VSIG10: variants seen among roughly 807,000 people sequenced by gnomAD.
The protein encoded by VSIG10 is V-set and immunoglobulin domain containing 10.
Under a neutral mutation model 58.7 loss-of-function variants are expected in VSIG10, and 48 were observed. The observed-to-expected ratio is 0.82, with a 90% CI of 0.65 to 1.04. The LOEUF (loss-of-function observed/expected upper bound fraction) is 1.04, where lower values mean the gene tolerates loss of function less well. Among genes scored for constraint, VSIG10 ranks in the 50% least tolerant of loss-of-function variants. The probability of loss-of-function intolerance (pLI) is 0.00; values close to 1 mark genes in which losing one functional copy is unlikely to be tolerated. For missense variants in VSIG10, 628 were observed against 670.0 expected (o/e 0.94, Z 0.69); for synonymous variants, 260 against 267.1 (o/e 0.97, Z 0.26).
intron 1 of VSIG10, among the ~76,000 whole-genome samples, chr12:118,100,496 CA>C (rs369608710): frequency 1.2e-4 from 18 of 144,658 alleles, no homozygotes; most frequent in Admixed American, 1.4e-4. Context: ...GACTCTGTCT[CA>C]AAAAAAAAAG....
At position 118,068,393 on chromosome 12, in the gene VSIG10, T is replaced by A. The variant is rs1164477939; in HGVS notation, c.1551A>T (p.Gly517=). 1 of 1,613,286 alleles carries A rather than the reference T, an allele frequency of 6.2e-7. No individual in the cohort carries two copies. The highest frequency in any genetic ancestry group is 8.5e-7 in the Non-Finnish European group (1 of 1,179,680). The change falls in exon 8 of 9, where the codon GGA becomes GGT. Residue 517 remains glycine (G), a synonymous_variant. Transcript: ENST00000359236. ...AGAGCTTACCTTGAAGATCCTGGAA[T>A]CCATTTCCCATCTGTTCTATGTTCC... ...VNGNIEQMGN[G]FQDLQDDSSE... is the part of the protein sequence containing the mutation.
intron 1 of VSIG10, among the ~76,000 whole-genome samples, chr12:118,101,178 G>T (rs180746637): frequency 6.6e-6 from 1 of 152,300 alleles, no homozygotes; most frequent in East Asian, 1.9e-4. Context: ...AGATCATCTA[G>T]TCCAGAGATG....
chr12:118,077,842 G>A (rs993505950), intron 4 of VSIG10, among the ~76,000 whole-genome samples: 2 of 152,154 alleles, frequency 1.3e-5, no homozygotes, highest in African/African-American at 4.8e-5. Flanking sequence ...GATGATTTCA[G>A]CCCCGCAACC....
chr12:118,068,261 C>A, intron 8 of VSIG10, 116 bp downstream of exon 8: 3 of 669,186 alleles, frequency 4.5e-6, no homozygotes, highest in Non-Finnish European at 6.6e-6. Flanking sequence ...TCTTGAACTT[C>A]TGGGCTTAAG....
chr12:118,064,880 T>A lies in VSIG10; in HGVS notation c.*1759A>T, dbSNP rs2032196530. On this transcript the variant is annotated 3_prime_UTR_variant, in exon 9 of 9. Coordinates refer to ENST00000359236, the MANE Select transcript of VSIG10 (RefSeq NM_019086.6). ...CCAGCTTCTCATTTTAGAGTCCCAG[T>A]TCCTAGAATTGGAGAAAGGAAGTTC... 1 of 152,162 alleles carries A rather than the reference T, an allele frequency of 6.6e-6. No individual in the cohort carries two copies. The highest frequency in any genetic ancestry group is 1.5e-5 in the Non-Finnish European group (1 of 68,044). The allele number at this position is 152,162 out of a possible 1,614,324, so 9.4% of individuals were successfully genotyped here. A position where few individuals can be genotyped will look rare whatever the true frequency, so the allele number is the denominator to read the frequency against.
chr12:118,091,327 C>T (rs904684581), intron 2 of VSIG10, among the ~76,000 whole-genome samples: 2 of 151,910 alleles, frequency 1.3e-5, no homozygotes, highest in South Asian at 2.1e-4. Context: ...CCCATCTCTA[C>T]TAAAAATACA....
intron 1 of VSIG10, among the ~76,000 whole-genome samples, 177 bp from the exon 2 acceptor site, chr12:118,095,991 T>C (rs188848418): frequency 2.7e-5 from 4 of 147,918 alleles, no homozygotes; most frequent in African/African-American, 9.9e-5. Flanking sequence ...AATGGCACTA[T>C]CTCGCCTAAC....
chr12:118,100,855 T>G (rs1182680198), intron 1 of VSIG10, among the ~76,000 whole-genome samples: 1 of 152,160 alleles, frequency 6.6e-6, no homozygotes, highest in Non-Finnish European at 1.5e-5. Context: ...TTATTAGGAT[T>G]GGGAACCCAA....
chr12:118,080,964 G>A (rs968464706), intron 3 of VSIG10, among the ~76,000 whole-genome samples: 6 of 152,138 alleles, frequency 3.9e-5, no homozygotes, highest in Admixed American at 6.6e-5. Context: ...TGGAGGGCCA[G>A]GAATGGTGGC....
chr12:118,096,890 T>C (rs1303036965), intron 1 of VSIG10, among the ~76,000 whole-genome samples: 3 of 151,284 alleles, frequency 2.0e-5, no homozygotes, highest in Admixed American at 2.0e-4. Flanking sequence ...AATACAAAAA[T>C]TAGCCGGGCG....
intron 3 of VSIG10, 96 bp downstream of exon 3, chr12:118,082,031 A>AG: frequency 2.3e-6 from 3 of 1,327,054 alleles, no homozygotes; most frequent in East Asian, 2.6e-5. Context: ...AAAAAAAAAA[A>AG]AAAAAAAGAC....
At chr12:118,099,343 G>A (rs368947082) in intron 1 of VSIG10, among the ~76,000 whole-genome samples, 2 of 151,960 alleles carry the variant, frequency 1.3e-5, no homozygotes, top group African/African-American at 2.4e-5. Flanking sequence ...TCACTATGTT[G>A]CCCAGGCTGG....
chr12:118,082,492 C>T, intron 2 of VSIG10, 63 bp from the exon 3 acceptor site: 2 of 1,470,438 alleles, frequency 1.4e-6, no homozygotes, highest in East Asian at 2.3e-5. Flanking sequence ...ATTGCCTTAC[C>T]AACTCTAATA....
At chr12:118,087,868 A>T (rs1417593094) in intron 2 of VSIG10, among the ~76,000 whole-genome samples, 1 of 134,264 alleles carries the variant, frequency 7.4e-6, no homozygotes, top group Non-Finnish European at 1.6e-5. Context: ...AGAGAGAAGG[A>T]GGTAATGTGA....
In VSIG10 at chr12:118,103,844, CCGGCAGCGGAGCT is replaced by C. The variant is rs1330175919; in HGVS notation, c.-186_-174del. Reference sequence around the variant, plus strand: ...GCTTGGCTGAGCCGAGTGTCCAGGGCCGGCAGCGGAGCTCGGCTGCAGGCTCGGGTCCCCGCTC... The same window carrying C: ...GCTTGGCTGAGCCGAGTGTCCAGGGCCGGCTGCAGGCTCGGGTCCCCGCTC... On this transcript the variant is annotated 5_prime_UTR_variant, in exon 1 of 9. Transcript: ENST00000359236. 6.9e-6 allele frequency: 4 copies of C among 576,024 alleles called. No individual in the cohort carries two copies. The African/African-American group carries it at 7.8e-5, about 11-fold the overall frequency. The allele number at this position is 576,024 out of a possible 1,614,324, so 35.7% of individuals were successfully genotyped here.
chr12:118,091,484 T>A (rs1484198353), intron 2 of VSIG10, among the ~76,000 whole-genome samples: 1 of 147,414 alleles, frequency 6.8e-6, no homozygotes, highest in East Asian at 2.0e-4. Context: ...AGAGCAAGAC[T>A]CTGTCTCAAA....
intron 2 of VSIG10, among the ~76,000 whole-genome samples, chr12:118,086,537 T>C (rs1434465213): frequency 2.6e-5 from 4 of 152,010 alleles, no homozygotes; most frequent in African/African-American, 9.7e-5. Context: ...GGTAAACACA[T>C]GGCTGTTCCA....
intron 2 of VSIG10, among the ~76,000 whole-genome samples, chr12:118,090,972 T>A (rs998915598): frequency 1.3e-5 from 2 of 151,936 alleles, no homozygotes; most frequent in Non-Finnish European, 2.9e-5. Context: ...CCATCTCTAC[T>A]GAAAATACAA....
Position 118,082,374 on chromosome 12 carries a change from G to A in VSIG10, c.417C>T (p.Gly139=), listed in dbSNP as rs1257110083. ...GGGAGCCCCTGGCTGCGTAGAGGGTGCCGTTGGGGAGTGTGCCGGTGGCCA... is the reference window on the plus strand; with the variant it reads ...GGGAGCCCCTGGCTGCGTAGAGGGTACCGTTGGGGAGTGTGCCGGTGGCCA... The part of the protein sequence containing the change: ...HIVATGTLPN[G]TLYAARGSQV... The change falls in exon 3 of 9, where the codon GGC becomes GGT. Residue 139 remains glycine, a synonymous_variant. Coordinates refer to ENST00000359236, the MANE Select transcript of VSIG10 (RefSeq NM_019086.6). The A allele has an allele frequency of 3.7e-6, 6 of 1,613,934 alleles. No individual in the cohort carries two copies. The East Asian group carries it at 8.9e-5, about 24-fold the overall frequency.
Sources: gnomAD v4.1 joint callset for allele counts (sites outside exome capture counted in the v4.1 genomes callset) on GRCh38, gnomAD v4.1.1 for gene constraint, MANE v1.5 for transcripts, NCBI Gene and HGNC (gene_info 2026-07-23, HGNC 2026-07-21) for gene names.